Variants in ALDH3B1 observed in about 807,000 individuals in gnomAD.
ALDH3B1 encodes aldehyde dehydrogenase family 3 member B1.
In ALDH3B1, 37 loss-of-function variants were observed where a neutral mutation model predicts 46.2. The ratio of observed to expected loss-of-function variants is 0.80; its 90% CI spans 0.62 to 1.05. The LOEUF is 1.05. ALDH3B1 is among the 50% of genes least tolerant of loss of function. The probability of loss-of-function intolerance (pLI) is 0.00; values close to 1 mark genes in which losing one functional copy is unlikely to be tolerated. For missense variants in ALDH3B1, 603 were observed against 665.5 expected (o/e 0.91, Z 1.03); for synonymous variants, 283 against 281.0 (o/e 1.01, Z -0.07).
rs1276898235 is a variant in ALDH3B1, at chr11:68,019,773, G to A, written c.539G>A (p.Arg180Lys). 6.2e-7 allele frequency: 1 copy of A among 1,614,160 alleles called. No individual in the cohort carries two copies. Among genetic ancestry groups the A allele is most frequent in the East Asian group, 2.2e-5 (1 of 44,886 alleles). Residue 180 changes from arginine to lysine, a missense_variant, in exon 6 of 10, where the codon AGG becomes AAG. Arg to Lys is a conservative substitution (Grantham distance 26, BLOSUM62 2). Transcript: ENST00000342456. ...GAGACGGGGCAGCTGCTAGAGCACA[G>A]GTTCGACTACATCTTCTTCACAGGT... ...PQETGQLLEHRFDYIFFTGSP... is the reference protein window; with the variant it reads ...PQETGQLLEHKFDYIFFTGSP...
At chr11:68,018,422 AAATG>A in intron 2 of ALDH3B1, 101 bp from the exon 3 acceptor site, 1 of 856,336 alleles carries the variant, frequency 1.2e-6, no homozygotes, top group Non-Finnish European at 1.8e-6. Context: ...GAATGAATGA[AAATG>A]AATGAATGAG....
upstream of ALDH3B1, among the ~76,000 whole-genome samples, chr11:68,010,005 G>A (rs974339718): frequency 3.9e-5 from 6 of 152,144 alleles, no homozygotes; most frequent in African/African-American, 1.4e-4. Flanking sequence ...CCCCACACCG[G>A]GATTCCCAGG....
At position 68,027,898 on chromosome 11, in the gene ALDH3B1, G is replaced by A. The variant is rs952921462; in HGVS notation, c.1366G>A (p.Val456Met). The stretch of plus-strand genomic sequence containing the variant: ...GCCGCGCCGCCTGAGGATGCTGCTG[G>A]TGGCCATGGAGGCCCAAGGCTGCAG... ...QSPRRLRMLL[V>M]AMEAQGCSCT... Residue 456 changes from valine (V) to methionine (M), a missense_variant, in exon 10 of 10, where the codon GTG (valine) becomes ATG (methionine). Transcript: ENST00000342456. 1.3e-6 allele frequency: 2 copies of A among 1,561,458 alleles called. No individual in the cohort carries two copies. The highest frequency in any genetic ancestry group is 1.7e-6 in the Non-Finnish European group (2 of 1,156,714).
chr11:68,026,184 A>T (rs549618932), intron 9 of ALDH3B1, 76 bp downstream of exon 9: 2 of 1,266,110 alleles, frequency 1.6e-6, no homozygotes, highest in Admixed American at 5.1e-5. Context: ...CATTTCTGCC[A>T]AAGCACCCCA....
At chr11:68,015,759 C>T in intron 2 of ALDH3B1, 3 of 534,568 alleles carry the variant, frequency 5.6e-6, no homozygotes, top group South Asian at 5.1e-5. Context: ...GACAATAAAA[C>T]AGCAAATAAA....
At chr11:68,009,402 C>T (rs576540483), upstream of ALDH3B1, among the ~76,000 whole-genome samples, 1 of 152,244 alleles carries the variant, frequency 6.6e-6, no homozygotes, top group East Asian at 1.9e-4. Flanking sequence ...TAGGGTGTAG[C>T]AAGACAAGCC....
rs944284691 is a variant in ALDH3B1 at position 68,015,608 on chromosome 11, T to G, written c.162+149T>G. The stretch of plus-strand genomic sequence containing the variant: ...CTAGGCCAGAGCCACCCTTGCACAT[T>G]CATCCAGTCACTTATTTCTGTATTC... On this transcript the variant is annotated intron_variant, in intron 2 of 9. Coordinates refer to ENST00000342456, the MANE Select transcript of ALDH3B1 (RefSeq NM_000694.4). 5.3e-5 allele frequency: 52 copies of G among 982,696 alleles called. 1 individual carries two copies. In the Admixed American group the frequency reaches 9.9e-4, roughly 19 times the overall value. 60.9% of individuals were successfully genotyped at this position (982,696 alleles called of 1,614,324 possible). A position where few individuals can be genotyped will look rare whatever the true frequency, so the allele number is the denominator to read the frequency against.
Position 68,027,994 on chromosome 11 carries a change from G to A in ALDH3B1, c.*55G>A. 1.3e-6 allele frequency: 2 copies of A among 1,563,328 alleles called. No individual in the cohort carries two copies. Among genetic ancestry groups the A allele is most frequent in the Non-Finnish European group, 1.7e-6 (2 of 1,161,702 alleles). On this transcript the variant is annotated 3_prime_UTR_variant, in exon 10 of 10. Coordinates refer to ENST00000342456, the MANE Select transcript of ALDH3B1 (RefSeq NM_000694.4). ...CCATGACAGCTGTCGCCTGCGGCTG[G>A]TGGAGACGGGGCCTGGGCTCCCGGG...
Position 68,022,696 on chromosome 11 carries a change from G to T in ALDH3B1, c.1051G>T (p.Ala351Ser). The T allele has an allele frequency of 6.2e-7, 1 of 1,614,184 alleles. No individual in the cohort carries two copies. The highest frequency in any genetic ancestry group is 1.1e-5 in the South Asian group (1 of 91,080). Reference sequence around the variant, plus strand: ...CGTGAACGTGCAGAGCTTGGACGAGGCCATCGAGTTCATCAACCGGCGGGA... The same window carrying T: ...CGTGAACGTGCAGAGCTTGGACGAGTCCATCGAGTTCATCAACCGGCGGGA... Reference protein sequence around the residue: ...PIVNVQSLDEAIEFINRREKP... With the variant: ...PIVNVQSLDESIEFINRREKP... Residue 351 changes from alanine (A) to serine (S), a missense_variant, in exon 8 of 10, where the codon GCC becomes TCC. By Grantham distance (99) the Ala-to-Ser change is moderately conservative (BLOSUM62 1). Transcript: ENST00000342456.
At chr11:68,015,023 C>G (rs1262519389) in intron 1 of ALDH3B1, 7 of 373,158 alleles carry the variant, frequency 1.9e-5, no homozygotes, top group Non-Finnish European at 3.4e-5. Flanking sequence ...CACACCCAGT[C>G]CTGCAGCCGC....
intron 6 of ALDH3B1, 147 bp downstream of exon 6, chr11:68,019,943 C>A: frequency 1.1e-6 from 1 of 872,814 alleles, no homozygotes; most frequent in East Asian, 2.6e-5. Flanking sequence ...CCTGGACCCC[C>A]AGGACCCCTT....
At chr11:68,020,743 G>A (rs1233004758) in intron 6 of ALDH3B1, among the ~76,000 whole-genome samples, 1 of 152,250 alleles carries the variant, frequency 6.6e-6, no homozygotes, top group African/African-American at 2.4e-5. Context: ...TGAGAGTAGA[G>A]AAGGCACAGT....
chr11:68,022,485 T>C (rs1857522905), intron 7 of ALDH3B1, 110 bp from the exon 8 acceptor site: 3 of 1,410,040 alleles, frequency 2.1e-6, no homozygotes, highest in Non-Finnish European at 2.8e-6. Context: ...AGTCAGACCT[T>C]GGGATCCTGG....
chr11:68,023,189 G>C (rs12277180), intron 8 of ALDH3B1, among the ~76,000 whole-genome samples: 36,426 of 152,054 alleles, frequency 0.24, 4,559 homozygotes, highest in African/African-American at 0.31. Context: ...GGCAGCCTGG[G>C]AGGCCCAAGG....
intron 8 of ALDH3B1, among the ~76,000 whole-genome samples, chr11:68,023,741 A>C (rs749340060): frequency 2.6e-5 from 4 of 152,034 alleles, no homozygotes; most frequent in Non-Finnish European, 4.4e-5. Flanking sequence ...ATGGGTCAAA[A>C]CTAAAAAAGT....
intron 2 of ALDH3B1, 26 bp from the exon 3 acceptor site, chr11:68,018,501 A>T: frequency 7.1e-7 from 1 of 1,399,404 alleles, no homozygotes; most frequent in Non-Finnish European, 9.9e-7. Context: ...ATCCTGGCCC[A>T]CCCTGACCCC....
chr11:68,019,676 T>TG, intron 5 of ALDH3B1, 39 bp from the exon 6 acceptor site: 1 of 1,606,442 alleles, frequency 6.2e-7, no homozygotes, highest in Non-Finnish European at 8.5e-7. Flanking sequence ...TTCTCGGAGC[T>TG]GGGGTCCCAG....
rs114475453 is a variant in ALDH3B1, at chr11:68,012,681, A to C, written c.-2+2289A>C. ...AGCAAGAGACCTCCCCTCACCGGTC[A>C]CCCCTCCCACAGCTGGCCTACCGGA... On this transcript the variant is annotated intron_variant, in intron 1 of 9. Coordinates refer to ENST00000342456, the MANE Select transcript of ALDH3B1 (RefSeq NM_000694.4). Among the ~76,000 whole-genome samples, 417 of 152,122 alleles carry C rather than the reference A, an allele frequency of 2.7e-3. 4 individuals are homozygous for C. The highest frequency in any genetic ancestry group is 9.6e-3 in the African/African-American group (397 of 41,490).
chr11:68,014,887 A>T, intron 1 of ALDH3B1: 1 of 168,848 alleles, frequency 5.9e-6, no homozygotes. Context: ...CCCCGCCTCC[A>T]GGAGGGGCAT....
Sources: gnomAD v4.1 joint callset for allele counts (sites outside exome capture counted in the v4.1 genomes callset) on GRCh38, gnomAD v4.1.1 for gene constraint, MANE v1.5 for transcripts, NCBI Gene and HGNC (gene_info 2026-07-23, HGNC 2026-07-21) for gene names.